Variants in RB1 observed in about 807,000 individuals in gnomAD.
The protein encoded by RB1 is retinoblastoma-associated protein.
RB1 carries 18 observed loss-of-function variants against 135.4 expected under a neutral mutation model. That is an observed-to-expected ratio of 0.13 (90% CI 0.09 to 0.20). The LOEUF (loss-of-function observed/expected upper bound fraction) is 0.20. RB1 is among the 10% of genes least tolerant of loss of function. RB1 has a pLI of 1.00. For missense variants in RB1, 868 were observed against 1,110.0 expected (o/e 0.78, Z 3.10); for synonymous variants, 365 against 373.2 (o/e 0.98, Z 0.25).
intron 17 of RB1, among the ~76,000 whole-genome samples, chr13:48,434,263 A>T (rs572960734): frequency 4.4e-4 from 67 of 152,126 alleles, no homozygotes; most frequent in South Asian, 1.5e-3. Flanking sequence ...CCTGGACAAC[A>T]TAGTGAGAAT....
chr13:48,371,717 G>A (rs1222439502), intron 11 of RB1, among the ~76,000 whole-genome samples: 1 of 152,074 alleles, frequency 6.6e-6, no homozygotes, highest in African/African-American at 2.4e-5. Context: ...TGGCAAGAGT[G>A]GGTGGCTAAG....
intron 17 of RB1, among the ~76,000 whole-genome samples, chr13:48,428,620 A>C (rs1310764483): frequency 2.0e-5 from 3 of 152,254 alleles, no homozygotes; most frequent in African/African-American, 7.2e-5. Context: ...TAAAACACTA[A>C]ATTCTAACAT....
chr13:48,348,225 A>C (rs1470182202), intron 5 of RB1, among the ~76,000 whole-genome samples: 1 of 151,934 alleles, frequency 6.6e-6, no homozygotes, highest in Admixed American at 6.6e-5. Context: ...AAATGTAAAA[A>C]TCTGTATTAA....
intron 6 of RB1, among the ~76,000 whole-genome samples, chr13:48,349,732 TA>T (rs1952530804): frequency 6.6e-6 from 1 of 151,992 alleles, no homozygotes; most frequent in Non-Finnish European, 1.5e-5. Context: ...AGTCTCTAAT[TA>T]AAAGACACAG....
At chr13:48,406,068 C>T (rs1038683207) in intron 17 of RB1, among the ~76,000 whole-genome samples, 1 of 151,122 alleles carries the variant, frequency 6.6e-6, no homozygotes, top group South Asian at 2.1e-4. Flanking sequence ...CAGTATTTTG[C>T]AATTTCAACT....
rs553934083 is a variant in RB1 at position 48,349,078 on chromosome 13, G to T, written c.607+55G>T. 213 of 1,528,842 alleles carry T rather than the reference G, an allele frequency of 1.4e-4. 1 individual carries two copies. The African/African-American group carries it at 2.7e-3, about 19-fold the overall frequency. 94.7% of individuals were successfully genotyped at this position (1,528,842 alleles called of 1,614,324 possible). On this transcript the variant is annotated intron_variant, in intron 6 of 26. Transcript: ENST00000267163. ...TATTTCAAATGTAATAATTAAATTG[G>T]CATTCCTTTGGACTAAATTCCCCAA...
intron 17 of RB1, among the ~76,000 whole-genome samples, chr13:48,398,356 G>A (rs570137791): frequency 1.3e-5 from 2 of 151,994 alleles, no homozygotes; most frequent in Non-Finnish European, 2.9e-5. Context: ...AGTGATTTAG[G>A]AGACTTGACT....
rs750581965 is a variant in RB1 at position 48,459,841 on chromosome 13, A to G, written c.2106+8A>G. 30 of 1,609,962 alleles carry G rather than the reference A, an allele frequency of 1.9e-5. No individual in the cohort carries two copies. Among genetic ancestry groups the G allele is most frequent in the South Asian group, 1.3e-4 (12 of 90,990 alleles). Reference sequence around the variant, plus strand: ...GACAGGCATTTGGACCAAGTAAGAAAATCAAGCACTTCACCTTCTCTCCTC... The same window carrying G: ...GACAGGCATTTGGACCAAGTAAGAAGATCAAGCACTTCACCTTCTCTCCTC... On this transcript the variant is annotated splice_region_variant and intron_variant, in intron 20 of 26. Transcript: ENST00000267163.
chr13:48,405,109 T>TA (rs1191238508), intron 17 of RB1, among the ~76,000 whole-genome samples: 1 of 151,940 alleles, frequency 6.6e-6, no homozygotes, highest in Non-Finnish European at 1.5e-5. Flanking sequence ...TAAGACCTAA[T>TA]AAAAAAACTG....
intron 2 of RB1, among the ~76,000 whole-genome samples, chr13:48,321,361 A>T (rs1276412018): frequency 2.6e-3 from 4 of 1,562 alleles, no homozygotes; most frequent in Non-Finnish European, 5.1e-3. Context: ...CGCGGGGAGG[A>T]GGGGCAAGGG....
intron 17 of RB1, among the ~76,000 whole-genome samples, chr13:48,392,690 T>C (rs1417018532): frequency 6.6e-6 from 1 of 152,180 alleles, no homozygotes; most frequent in Non-Finnish European, 1.5e-5. Context: ...ACTTTTTAAA[T>C]GTCCCTGTTA....
At chr13:48,369,461 C>G (rs1307427603) in intron 11 of RB1, among the ~76,000 whole-genome samples, 1 of 152,206 alleles carries the variant, frequency 6.6e-6, no homozygotes, top group Non-Finnish European at 1.5e-5. Flanking sequence ...CCCAGAATTT[C>G]TCCTAGAAAT....
chr13:48,410,169 TAC>T (rs1948780607), intron 17 of RB1, among the ~76,000 whole-genome samples: 1 of 152,230 alleles, frequency 6.6e-6, no homozygotes, highest in African/African-American at 2.4e-5. Flanking sequence ...AGAAAATATT[TAC>T]AGTCATGCAT....
At chr13:48,325,082 A>G (rs1422366586) in intron 2 of RB1, among the ~76,000 whole-genome samples, 1 of 151,982 alleles carries the variant, frequency 6.6e-6, no homozygotes, top group Non-Finnish European at 1.5e-5. Flanking sequence ...TTGCCCAGGA[A>G]TGAAGTCCAA....
rs1360988840 is a variant in RB1, at chr13:48,480,508, G to A, written c.*437G>A. 5 of 230,160 alleles carry A rather than the reference G, an allele frequency of 2.2e-5. No homozygotes were observed. The highest frequency in any genetic ancestry group is 4.3e-5 in the Non-Finnish European group (5 of 116,122). 14.3% of individuals were successfully genotyped at this position (230,160 alleles called of 1,614,324 possible). A position where few individuals can be genotyped will look rare whatever the true frequency, so the allele number is the denominator to read the frequency against. On this transcript the variant is annotated 3_prime_UTR_variant, in exon 27 of 27. Transcript: ENST00000267163. ...TTTAACATGAACACCCTTAGAAAAT[G>A]TGTCCTATCTATCTTCCAAATGCAA...
chr13:48,305,369 A>AC (rs1952072321), intron 1 of RB1, among the ~76,000 whole-genome samples: 2 of 152,250 alleles, frequency 1.3e-5, no homozygotes, highest in Non-Finnish European at 2.9e-5. Context: ...CAAAATAACA[A>AC]CAACAAAAAA....
intron 16 of RB1, 78 bp downstream of exon 16, chr13:48,380,319 A>G: frequency 1.9e-6 from 2 of 1,074,402 alleles, no homozygotes; most frequent in South Asian, 1.3e-5. Context: ...GTCGGGGGAG[A>G]GGGATAGTGT....
chr13:48,403,586 A>G (rs1333010566), intron 17 of RB1, among the ~76,000 whole-genome samples: 1 of 152,176 alleles, frequency 6.6e-6, no homozygotes, highest in Non-Finnish European at 1.5e-5. Context: ...GAGTGGGGCA[A>G]TAATCAGGAA....
chr13:48,372,679 A>G, intron 11 of RB1, among the ~76,000 whole-genome samples: 1 of 151,880 alleles, frequency 6.6e-6, no homozygotes, highest in East Asian at 1.9e-4. Context: ...GAAAAGAAAG[A>G]TGAGGAAGTG....
Sources: gnomAD v4.1 joint callset for allele counts (sites outside exome capture counted in the v4.1 genomes callset) on GRCh38, gnomAD v4.1.1 for gene constraint, MANE v1.5 for transcripts, NCBI Gene and HGNC (gene_info 2026-07-23, HGNC 2026-07-21) for gene names.